Variants in WFDC5 observed in about 807,000 individuals in gnomAD.
WFDC5 encodes the protein WAP four-disulfide core domain protein 5.
In WFDC5, 15 loss-of-function variants were observed where a neutral mutation model predicts 15.7. That is an observed-to-expected ratio of 0.96 (90% CI 0.64 to 1.47). WFDC5 has a LOEUF of 1.47. WFDC5 is among the 40% of genes most tolerant of loss of function. The pLI is 0.00. For missense variants in WFDC5, 280 were observed against 258.0 expected, an observed-to-expected ratio of 1.09 and a Z score of -0.59; for synonymous variants, 109 against 107.7, an observed-to-expected ratio of 1.01 and a Z score of -0.07.
chr20:45,113,772 G>A (rs898937096), intron 1 of WFDC5, among the ~76,000 whole-genome samples: 1 of 152,010 alleles, frequency 6.6e-6, no homozygotes. Flanking sequence ...GTACAGTCCT[G>A]GGTTTTTGCT....
chr20:45,109,652 G>C (rs1173487925), exon 4 of WFDC5: 2 of 670,220 alleles, frequency 3.0e-6, no homozygotes, highest in Non-Finnish European at 5.6e-6. Flanking sequence ...TGGTTGGGCT[G>C]CCTGAGGGAG....
Position 45,114,991 on chromosome 20 carries a change from G to T in WFDC5, c.85+8C>A. Reference sequence around the variant, plus strand: ...GGTCCCCCCAGCAGAGGGATTTCCCGCACTCACCTCCCTTCTTCCTGCCAA... The same window carrying T: ...GGTCCCCCCAGCAGAGGGATTTCCCTCACTCACCTCCCTTCTTCCTGCCAA... On this transcript the variant is annotated splice_region_variant and intron_variant, in intron 1 of 3. Transcript: ENST00000307971. 1 of 1,612,914 alleles carries T rather than the reference G, an allele frequency of 6.2e-7. No homozygotes were observed. The highest frequency in any genetic ancestry group is 8.5e-7 in the Non-Finnish European group (1 of 1,179,474).
intron 1 of WFDC5, 122 bp from the exon 2 acceptor site, chr20:45,110,897 T>A (rs113733043): frequency 8.6e-4 from 1,145 of 1,338,776 alleles, no homozygotes; most frequent in Non-Finnish European, 1.1e-3. Context: ...TTTGGCTAGT[T>A]GTTATTTTTG....
chr20:45,110,305 G>C, intron 3 of WFDC5, 95 bp downstream of exon 3: 1 of 1,523,346 alleles, frequency 6.6e-7, no homozygotes, highest in Non-Finnish European at 8.8e-7. Flanking sequence ...CCTGACTTCT[G>C]GGGAGGCATC....
chr20:45,112,157 G>T (rs1981637743), intron 1 of WFDC5, among the ~76,000 whole-genome samples: 1 of 152,166 alleles, frequency 6.6e-6, no homozygotes, highest in African/African-American at 2.4e-5. Context: ...AAAAAGTGTG[G>T]GTTTGGGGTG....
intron 1 of WFDC5, among the ~76,000 whole-genome samples, chr20:45,111,778 G>A (rs1394649523): frequency 6.6e-6 from 1 of 152,188 alleles, no homozygotes; most frequent in African/African-American, 2.4e-5. Context: ...GAAAAGGGCA[G>A]TGACTTGTCC....
At chr20:45,115,108 A>G in exon 1 of WFDC5, 2 of 1,606,332 alleles carry the variant, frequency 1.2e-6, no homozygotes, top group South Asian at 2.2e-5. Context: ...CTCAGGGCCC[A>G]GGGCCCCCCA....
At chr20:45,115,729 G>C (rs1374441749), upstream of WFDC5, among the ~76,000 whole-genome samples, 1 of 152,190 alleles carries the variant, frequency 6.6e-6, no homozygotes, top group African/African-American at 2.4e-5. Flanking sequence ...TGTTGAGGGT[G>C]GGGGAGCATG....
intron 1 of WFDC5, among the ~76,000 whole-genome samples, chr20:45,111,068 T>C (rs868605070): frequency 1.3e-5 from 2 of 152,280 alleles, no homozygotes; most frequent in South Asian, 4.1e-4. Context: ...GCCCTGCCCA[T>C]CTCTCTAGCC....
At chr20:45,116,205 G>A (rs1981756086), upstream of WFDC5, among the ~76,000 whole-genome samples, 1 of 152,194 alleles carries the variant, frequency 6.6e-6, no homozygotes, top group Non-Finnish European at 1.5e-5. Context: ...CTGGCAGCAG[G>A]AAGTTCTTCC....
chr20:45,109,672 TC>T (rs1981553247), exon 4 of WFDC5: 1 of 694,096 alleles, frequency 1.4e-6, no homozygotes. Context: ...GAGGTCAGGG[TC>T]TGCCTGAATT....
At chr20:45,111,180 C>T (rs1981606898) in intron 1 of WFDC5, among the ~76,000 whole-genome samples, 1 of 152,224 alleles carries the variant, frequency 6.6e-6, no homozygotes, top group African/African-American at 2.4e-5. Context: ...TAGTGCACTT[C>T]TCCTGTACTC....
chr20:45,110,514 G>T lies in WFDC5; in HGVS notation c.253C>A (p.Gln85Lys), dbSNP rs116574899. Reference sequence around the variant, plus strand: ...TTCATGGGGCTGAGGCAGCGCAGTTGGTCCTCTGGGCAGCTGCCCAGCTTC... The same window carrying T: ...TTCATGGGGCTGAGGCAGCGCAGTTTGTCCTCTGGGCAGCTGCCCAGCTTC... The change falls in exon 3 of 4, where the codon CAA becomes AAA. Residue 85 changes from glutamine to lysine, a missense_variant. Gln to Lys is a moderately conservative substitution (Grantham distance 53). Transcript: ENST00000307971. The T allele has an allele frequency of 1.5e-5, 25 of 1,614,204 alleles. No individual in the cohort carries two copies. In the African/African-American group the frequency reaches 2.0e-4, roughly 13 times the overall value.
rs1430342032 is a variant in WFDC5, at chr20:45,110,784, G to T, written c.86-9C>A. The T allele has an allele frequency of 1.9e-6, 3 of 1,613,564 alleles. No homozygotes were observed. Among genetic ancestry groups the T allele is most frequent in the African/African-American group, 2.7e-5 (2 of 74,952 alleles). ...GCAGCCCCCCGATTTCTCTGTAAGA[G>T]AATCTCCTAATATTGCAGCTGGAGG... On this transcript the variant is annotated splice_polypyrimidine_tract_variant and intron_variant, in intron 1 of 3. Coordinates refer to ENST00000307971, the Ensembl canonical transcript of WFDC5.
intron 1 of WFDC5, 43 bp downstream of exon 1, chr20:45,114,954 TAG>T: frequency 6.3e-7 from 1 of 1,598,270 alleles, no homozygotes; most frequent in Non-Finnish European, 8.5e-7. Context: ...CCTAGAGAAG[TAG>T]AGACAATCTG....
chr20:45,114,926 C>T (rs1226841204), intron 1 of WFDC5, 73 bp downstream of exon 1: 10 of 1,542,520 alleles, frequency 6.5e-6, no homozygotes, highest in Non-Finnish European at 7.1e-6. Flanking sequence ...ACCTGCCTTC[C>T]CCCAAACCCT....
chr20:45,113,334 C>G (rs1454527401), intron 1 of WFDC5, among the ~76,000 whole-genome samples: 4 of 152,210 alleles, frequency 2.6e-5, no homozygotes, highest in African/African-American at 7.2e-5. Context: ...AACAGCTCGG[C>G]AATGTCTTAC....
rs111992595 is a variant in WFDC5, at chr20:45,110,414, C to T, written c.353G>A (p.Arg118Gln). The T allele has an allele frequency of 3.3e-5, 53 of 1,605,696 alleles. 2 individuals are homozygous for T. Among genetic ancestry groups the T allele is most frequent in the East Asian group, 1.1e-4 (5 of 44,642 alleles). Reference sequence around the variant, plus strand: ...AGGAGCCGTACCTCTGGCAGGATCCCGGCAATCCCGCCCGCAGGCGCTGTG... The same window carrying T: ...AGGAGCCGTACCTCTGGCAGGATCCTGGCAATCCCGCCCGCAGGCGCTGTG... Residue 118 changes from arginine (R) to glutamine (Q), a missense_variant, in exon 3 of 4, where the codon CGG becomes CAG. Coordinates refer to ENST00000307971, the Ensembl canonical transcript of WFDC5.
upstream of WFDC5, among the ~76,000 whole-genome samples, chr20:45,115,469 C>G (rs117867711): frequency 6.6e-5 from 10 of 152,088 alleles, no homozygotes; most frequent in Non-Finnish European, 1.3e-4. Context: ...GTCTAGGCAG[C>G]GGGTAGAGGT....
Sources: allele counts gnomAD v4.1 joint callset (sites outside exome capture counted in the v4.1 genomes callset), GRCh38; gene constraint gnomAD v4.1.1; transcripts MANE v1.5; gene names NCBI Gene and HGNC (gene_info 2026-07-23, HGNC 2026-07-21).